Variants in TPRG1 observed in about 807,000 individuals in gnomAD.
TPRG1 encodes tumor protein p63 regulated 1.
Under a neutral mutation model 29.3 loss-of-function variants are expected in TPRG1, and 29 were observed. The ratio of observed to expected loss-of-function variants is 0.99; its 90% CI spans 0.74 to 1.35. The LOEUF (loss-of-function observed/expected upper bound fraction) is 1.35. TPRG1 is among the 40% of genes most tolerant of loss of function. The pLI is 0.00. For missense variants in TPRG1, 327 were observed against 335.0 expected (o/e 0.98, Z 0.19); for synonymous variants, 130 against 116.8 (o/e 1.11, Z -0.73).
At chr3:189,194,818 G>A (rs1324085608) in intron 1 of TPRG1, among the ~76,000 whole-genome samples, 1 of 152,138 alleles carries the variant, frequency 6.6e-6, no homozygotes, top group Non-Finnish European at 1.5e-5. Flanking sequence ...AGGTGCAGTG[G>A]CAACAGTACC....
chr3:189,162,996 G>A (rs923246643), intron 5 of TPRG1, among the ~76,000 whole-genome samples: 2 of 152,214 alleles, frequency 1.3e-5, no homozygotes, highest in African/African-American at 4.8e-5. Flanking sequence ...CTTAGGCTGG[G>A]TGTGGTGGCT....
intron 3 of TPRG1, among the ~76,000 whole-genome samples, chr3:189,143,120 T>C (rs1231010471): frequency 6.6e-6 from 1 of 152,166 alleles, no homozygotes; most frequent in Non-Finnish European, 1.5e-5. Context: ...AAGGTTGTTG[T>C]TCTGGTTTAA....
Position 189,321,344 on chromosome 3 carries a change from C to T in TPRG1, c.*524C>T, listed in dbSNP as rs914317198. On this transcript the variant is annotated 3_prime_UTR_variant, in exon 6 of 6. Transcript: ENST00000345063. Reference sequence around the variant, plus strand: ...TGCTAATCATCTATATATCAGTGTCCCAGTGGCCTCTTAATTGAGCATTAT... The same window carrying T: ...TGCTAATCATCTATATATCAGTGTCTCAGTGGCCTCTTAATTGAGCATTAT... 2 of 151,878 alleles carry T rather than the reference C, an allele frequency of 1.3e-5. No homozygotes were observed. The highest frequency in any genetic ancestry group is 4.8e-5 in the African/African-American group (2 of 41,360). The allele number at this position is 151,878 out of a possible 1,614,324, so 9.4% of individuals were successfully genotyped here.
intron 4 of TPRG1, among the ~76,000 whole-genome samples, chr3:189,066,488 C>T (rs973984266): frequency 1.3e-5 from 2 of 151,976 alleles, no homozygotes; most frequent in Non-Finnish European, 2.9e-5. Context: ...TGGGATTCAA[C>T]CCAGGGATGC....
intron 4 of TPRG1, among the ~76,000 whole-genome samples, chr3:189,083,810 A>G (rs2152172059): frequency 7.4e-6 from 1 of 135,820 alleles, no homozygotes; most frequent in South Asian, 2.3e-4. Flanking sequence ...ACTGGCTGTT[A>G]ATTTTCTTTA....
chr3:189,217,862 G>A (rs1414545987), intron 3 of TPRG1: 1 of 985,212 alleles, frequency 1.0e-6, no homozygotes, highest in Non-Finnish European at 1.2e-6. Flanking sequence ...TTGTTTGTTT[G>A]TTTGAAAATT....
chr3:189,072,128 T>C (rs1427509859), intron 4 of TPRG1, among the ~76,000 whole-genome samples: 2 of 152,196 alleles, frequency 1.3e-5, no homozygotes, highest in South Asian at 2.1e-4. Flanking sequence ...TTCTAAAACA[T>C]ATGGAGGAGC....
chr3:189,262,675 T>G (rs552891381), intron 4 of TPRG1, among the ~76,000 whole-genome samples: 1 of 152,352 alleles, frequency 6.6e-6, no homozygotes, highest in South Asian at 2.1e-4. Flanking sequence ...TCAACTTACC[T>G]GAACACTTAG....
At chr3:189,060,697 C>T (rs1273540843) in intron 4 of TPRG1, among the ~76,000 whole-genome samples, 1 of 151,820 alleles carries the variant, frequency 6.6e-6, no homozygotes. Flanking sequence ...TTCACAGTTG[C>T]CACAAAAAAG....
chr3:189,010,861 C>T (rs1348309589), intron 3 of TPRG1, among the ~76,000 whole-genome samples: 1 of 152,136 alleles, frequency 6.6e-6, no homozygotes, highest in East Asian at 1.9e-4. Context: ...AATGGTATTA[C>T]TAGGTTTTCT....
At chr3:189,219,969 A>C (rs1200261214) in intron 3 of TPRG1, among the ~76,000 whole-genome samples, 1 of 152,240 alleles carries the variant, frequency 6.6e-6, no homozygotes, top group Non-Finnish European at 1.5e-5. Context: ...GTAGAATCAA[A>C]GTGAAGTTGA....
intron 1 of TPRG1, among the ~76,000 whole-genome samples, chr3:189,124,756 A>G (rs758968987): frequency 5.3e-5 from 8 of 152,164 alleles, no homozygotes; most frequent in Non-Finnish European, 1.2e-4. Flanking sequence ...TTTTTCCTCC[A>G]TAAAACCAAA....
rs149852782 is a variant in TPRG1 at position 189,207,474 on chromosome 3, G to A, written c.90G>A (p.Ser30=). 39 of 1,614,022 alleles carry A rather than the reference G, an allele frequency of 2.4e-5. No homozygotes were observed. In the African/African-American group the frequency reaches 3.5e-4, roughly 14 times the overall value. Reference sequence around the variant, plus strand: ...AACCCTCTGAGACTGACCACCTATCGATGGAGGAAGAGGACCCGATGCCAA... The same window carrying A: ...AACCCTCTGAGACTGACCACCTATCAATGGAGGAAGAGGACCCGATGCCAA... ...DDQPSETDHL[S]MEEEDPMPRQ... Residue 30 remains serine (S), a synonymous_variant, in exon 2 of 6, where the codon TCG becomes TCA. Coordinates refer to ENST00000345063, the MANE Select transcript of TPRG1 (RefSeq NM_198485.4).
intron 4 of TPRG1, among the ~76,000 whole-genome samples, chr3:189,045,630 A>T (rs111255082): frequency 6.6e-6 from 1 of 152,238 alleles, no homozygotes; most frequent in Admixed American, 6.5e-5. Flanking sequence ...GGTACAGAAT[A>T]ACTATCTGCT....
At chr3:189,045,604 G>A (rs1714927696) in intron 4 of TPRG1, among the ~76,000 whole-genome samples, 1 of 152,226 alleles carries the variant, frequency 6.6e-6, no homozygotes, top group African/African-American at 2.4e-5. Context: ...TCTGTACAGT[G>A]CACGGAATAG....
At chr3:189,020,147 G>A (rs867450910) in intron 3 of TPRG1, among the ~76,000 whole-genome samples, 59 of 151,312 alleles carry the variant, frequency 3.9e-4, no homozygotes, top group African/African-American at 1.3e-3. Context: ...TCTTGCTAGC[G>A]GTCTATCTAT....
rs117541433 is a variant in TPRG1, at chr3:189,320,888, C to T, written c.*68C>T. Reference sequence around the variant, plus strand: ...ACTTTGAAAATTCCAGTTTGACCCACGCTATTTTTGGACTGAAACAATTAA... The same window carrying T: ...ACTTTGAAAATTCCAGTTTGACCCATGCTATTTTTGGACTGAAACAATTAA... On this transcript the variant is annotated 3_prime_UTR_variant, in exon 6 of 6. Coordinates refer to ENST00000345063, the MANE Select transcript of TPRG1 (RefSeq NM_198485.4). The T allele has an allele frequency of 1.2e-4, 155 of 1,269,628 alleles. 1 individual carries two copies. Among genetic ancestry groups the T allele is most frequent in the East Asian group, 9.8e-4 (36 of 36,786 alleles). The allele number at this position is 1,269,628 out of a possible 1,614,324, so 78.6% of individuals were successfully genotyped here. A position where few individuals can be genotyped will look rare whatever the true frequency, so the allele number is the denominator to read the frequency against.
intron 4 of TPRG1, among the ~76,000 whole-genome samples, chr3:189,294,831 G>A (rs556025176): frequency 2.1e-4 from 29 of 137,502 alleles, no homozygotes; most frequent in Non-Finnish European, 3.7e-4. Context: ...CACACACAGC[G>A]CGCAAGCAGG....
chr3:189,102,313 T>A (rs1560446549), intron 1 of TPRG1, among the ~76,000 whole-genome samples: 1 of 152,216 alleles, frequency 6.6e-6, no homozygotes, highest in Non-Finnish European at 1.5e-5. Context: ...ACTTTTTATC[T>A]ATCTCCAGAG....
Sources: allele counts gnomAD v4.1 joint callset (sites outside exome capture counted in the v4.1 genomes callset), GRCh38; gene constraint gnomAD v4.1.1; transcripts MANE v1.5; gene names NCBI Gene and HGNC (gene_info 2026-07-23, HGNC 2026-07-21).